Variants in OSBPL9 observed in about 807,000 individuals in gnomAD.
OSBPL9 encodes the protein oxysterol-binding protein-related protein 9.
OSBPL9 carries 40 observed loss-of-function variants against 106.6 expected under a neutral mutation model. The observed-to-expected ratio is 0.38, with a 90% CI of 0.29 to 0.49. The LOEUF (loss-of-function observed/expected upper bound fraction) is 0.49, where lower values mean the gene tolerates loss of function less well. OSBPL9 is among the 20% of genes least tolerant of loss of function. The pLI is 0.97. For missense variants in OSBPL9, 609 were observed against 887.2 expected, an observed-to-expected ratio of 0.69 and a Z score of 3.98; for synonymous variants, 269 against 295.4, an observed-to-expected ratio of 0.91 and a Z score of 0.92.
chr1:51,678,618 G>A (rs942949883), intron 3 of OSBPL9, among the ~76,000 whole-genome samples: 1 of 151,706 alleles, frequency 6.6e-6, no homozygotes, highest in Non-Finnish European at 1.5e-5. Flanking sequence ...CCGAGATCAT[G>A]CCACTGCACT....
intron 3 of OSBPL9, among the ~76,000 whole-genome samples, chr1:51,686,713 GA>G (rs1653884486): frequency 6.6e-6 from 1 of 152,210 alleles, no homozygotes; most frequent in African/African-American, 2.4e-5. Flanking sequence ...GGGAGGTTTG[GA>G]AACCTGGCCA....
chr1:51,520,012 CCTT>C, the OSBPL9 span, among the ~76,000 whole-genome samples: 1 of 152,222 alleles, frequency 6.6e-6, no homozygotes, highest in Non-Finnish European at 1.5e-5. Context: ...GCAAACTCCT[CCTT>C]CTTTCTCAGG....
At chr1:51,776,947 C>A in intron 15 of OSBPL9, 29 bp downstream of exon 15, 1 of 1,521,006 alleles carries the variant, frequency 6.6e-7, no homozygotes. Flanking sequence ...TAGTTTCCAA[C>A]GTTTACAGAT....
chr1:51,752,564 A>G (rs1309336339), intron 8 of OSBPL9: 1 of 455,816 alleles, frequency 2.2e-6, no homozygotes. Context: ...ATGGGCTGCC[A>G]TAACAAAATA....
chr1:51,697,749 G>C (rs1245466863), intron 3 of OSBPL9, among the ~76,000 whole-genome samples: 9 of 150,440 alleles, frequency 6.0e-5, no homozygotes, highest in Non-Finnish European at 1.3e-4. Flanking sequence ...AATGTGATTA[G>C]ATATGTAATA....
At chr1:51,746,367 AAG>A (rs1667978168) in intron 5 of OSBPL9, among the ~76,000 whole-genome samples, 1 of 152,232 alleles carries the variant, frequency 6.6e-6, no homozygotes, top group Non-Finnish European at 1.5e-5. Context: ...AATTAATTAA[AAG>A]CAGAGGTGCT....
At chr1:51,633,047 C>T (rs1347581538) in intron 1 of OSBPL9, among the ~76,000 whole-genome samples, 1 of 152,012 alleles carries the variant, frequency 6.6e-6, no homozygotes, top group Non-Finnish European at 1.5e-5. Context: ...ACCTCCACCT[C>T]CTGGGTTCAA....
intron 1 of OSBPL9, among the ~76,000 whole-genome samples, chr1:51,589,072 C>T (rs1228158695): frequency 1.3e-5 from 2 of 151,232 alleles, no homozygotes; most frequent in Non-Finnish European, 3.0e-5. Flanking sequence ...CAGGTGTATA[C>T]ATTTTTCTTT....
intron 3 of OSBPL9, among the ~76,000 whole-genome samples, chr1:51,704,858 G>A (rs1289852860): frequency 6.6e-6 from 1 of 152,106 alleles, no homozygotes; most frequent in Non-Finnish European, 1.5e-5. Flanking sequence ...TGGCACTGAG[G>A]TTCAATTATG....
At chr1:51,721,276 C>T (rs1480892812) in intron 4 of OSBPL9, among the ~76,000 whole-genome samples, 1 of 151,870 alleles carries the variant, frequency 6.6e-6, no homozygotes, top group African/African-American at 2.4e-5. Flanking sequence ...CTGGTACAAG[C>T]CTCATTAGAA....
chr1:51,702,446 CTTTTG>C (rs1293094279), intron 3 of OSBPL9, among the ~76,000 whole-genome samples: 183 of 152,302 alleles, frequency 1.2e-3, no homozygotes, highest in Middle Eastern at 0.01. Flanking sequence ...TAAATGTCTT[CTTTTG>C]AGAAGTGTCT....
chr1:51,639,816 G>GTTTTTTTTTT, intron 1 of OSBPL9, among the ~76,000 whole-genome samples: 1 of 67,048 alleles, frequency 1.5e-5, no homozygotes, highest in Non-Finnish European at 2.9e-5. Context: ...ATTCCTAGTT[G>GTTTTTTTTTT]TTTTTTTTTT....
At chr1:51,670,069 T>C (rs889005995) in intron 3 of OSBPL9, among the ~76,000 whole-genome samples, 1 of 152,360 alleles carries the variant, frequency 6.6e-6, no homozygotes, top group East Asian at 1.9e-4. Flanking sequence ...TTAAATGCCA[T>C]CTGCCACTGC....
At chr1:51,724,961 A>G (rs1293700229) in intron 4 of OSBPL9, 1 of 154,436 alleles carries the variant, frequency 6.5e-6, no homozygotes, top group Admixed American at 6.5e-5. Flanking sequence ...AGCTTTCTTC[A>G]TCTGCGGTTT....
rs973980443 is a variant in OSBPL9, at chr1:51,767,653, G to A, written c.938+1672G>A. 1.4e-4 allele frequency among the ~76,000 whole-genome samples: 22 copies of A among 152,248 alleles called. No homozygotes were observed. The East Asian group carries it at 3.5e-3, about 24-fold the overall frequency. ...CTAGGTGAATATATATAGTTAAGAC[G>A]TGGAAGGGAGGTTTAAATCTACAAC... On this transcript the variant is annotated intron_variant, in intron 12 of 23. Transcript: ENST00000428468.
intron 4 of OSBPL9, among the ~76,000 whole-genome samples, chr1:51,727,901 G>A (rs1663416070): frequency 6.6e-6 from 1 of 152,174 alleles, no homozygotes; most frequent in Admixed American, 6.5e-5. Flanking sequence ...GTTCTACAAA[G>A]GAGAGTTACA....
intron 2 of OSBPL9, among the ~76,000 whole-genome samples, chr1:51,604,326 T>G (rs1019908613): frequency 6.6e-6 from 1 of 151,974 alleles, no homozygotes; most frequent in Non-Finnish European, 1.5e-5. Context: ...GAGACCGAGG[T>G]GGGTGGATCA....
intron 16 of OSBPL9, 173 bp downstream of exon 16, chr1:51,781,508 A>G: frequency 1.6e-6 from 1 of 628,896 alleles, no homozygotes; most frequent in East Asian, 2.8e-5. Context: ...GAAAAAGAGT[A>G]GGATGAGATG....
chr1:51,572,666 A>T (rs1645157475), upstream of OSBPL9, among the ~76,000 whole-genome samples: 1 of 152,206 alleles, frequency 6.6e-6, no homozygotes, highest in South Asian at 2.1e-4. Flanking sequence ...AGCTGTGTAT[A>T]TAGCCTTGGG....
Sources: gnomAD v4.1 joint callset for allele counts (sites outside exome capture counted in the v4.1 genomes callset) on GRCh38, gnomAD v4.1.1 for gene constraint, MANE v1.5 for transcripts, NCBI Gene and HGNC (gene_info 2026-07-23, HGNC 2026-07-21) for gene names.